Variants in SLC12A9 observed in about 807,000 individuals in gnomAD.
SLC12A9 encodes CCC-interacting protein 1.
Under a neutral mutation model 66.0 loss-of-function variants are expected in SLC12A9, and 55 were observed. The observed-to-expected ratio is 0.83, with a 90% CI of 0.67 to 1.04. The LOEUF (loss-of-function observed/expected upper bound fraction) is 1.04, where lower values mean the gene tolerates loss of function less well. Ranked by LOEUF, SLC12A9 falls within the 50% of genes least tolerant of loss-of-function variation. The pLI is 0.00. For missense variants in SLC12A9, 1,061 were observed against 1,241.9 expected, an observed-to-expected ratio of 0.85 and a Z score of 2.19; for synonymous variants, 577 against 569.0, an observed-to-expected ratio of 1.01 and a Z score of -0.20.
Position 100,844,072 on chromosome 7 carries a change from C to T in SLC12A9, n.229-15813C>T, listed in dbSNP as rs58854649. On this transcript the variant is annotated intron_variant and non_coding_transcript_variant, in intron 1 of 1. Coordinates refer to the SLC12A9 transcript ENST00000461016. ...ATGGCCGAAGCATGAGAAAACTCAT[C>T]GCAGGACTCATTTGCCTTAAAATTT... 2.5e-3 allele frequency among the ~76,000 whole-genome samples: 384 copies of T among 152,256 alleles called. 1 individual carries two copies. The highest frequency in any genetic ancestry group is 8.5e-3 in the African/African-American group (354 of 41,562).
chr7:100,865,368 T>G, intron 13 of SLC12A9: 2 of 1,536,048 alleles, frequency 1.3e-6, no homozygotes, highest in Non-Finnish European at 1.7e-6. Context: ...AGAGTCAAAC[T>G]CGCATCCCCT....
chr7:100,859,191 C>G (rs369967324), intron 7 of SLC12A9, 30 bp downstream of exon 7: 2 of 1,597,906 alleles, frequency 1.3e-6, no homozygotes, highest in Middle Eastern at 1.7e-4. Context: ...GGTGGAGTGT[C>G]GAACAAGATT....
At chr7:100,842,095 A>T (rs1044692876) in intron 1 of SLC12A9, among the ~76,000 whole-genome samples, 1 of 149,880 alleles carries the variant, frequency 6.7e-6, no homozygotes, top group Non-Finnish European at 1.5e-5. Flanking sequence ...GCTGCTAACC[A>T]CCAAGACTGC....
chr7:100,866,467 C>T lies in SLC12A9; in HGVS notation c.2607C>T (p.Thr869=). 1 of 1,551,372 alleles carries T rather than the reference C, an allele frequency of 6.4e-7. No individual in the cohort carries two copies. The highest frequency in any genetic ancestry group is 8.7e-7 in the Non-Finnish European group (1 of 1,148,048). The change falls in exon 14 of 14, where the codon ACC becomes ACT. Residue 869 remains threonine (T), a synonymous_variant. Transcript: ENST00000354161. This position sits in a 1 kb window ranked among gnomAD's most constrained non-coding sequence, Gnocchi z 7.3. ...CTGAGGGCCCCATCACAGCCCTCAC[C>T]TTCCTGTACTTGCCTCGGCCGCCAG... The part of the protein sequence containing the change: ...GDAEGPITAL[T]FLYLPRPPAD...
chr7:100,855,329 C>T, intron 3 of SLC12A9: 1 of 274,882 alleles, frequency 3.6e-6, no homozygotes, highest in Non-Finnish European at 7.1e-6. Flanking sequence ...GCTATGTTTC[C>T]CAGGCTGGTC....
intron 13 of SLC12A9, 65 bp from the exon 14 acceptor site, chr7:100,865,654 G>C (rs751205587): frequency 1.1e-4 from 174 of 1,560,260 alleles, no homozygotes; most frequent in Non-Finnish European, 1.5e-4. Context: ...GTGTGGGAGC[G>C]TGGTGTAAAC....
Position 100,865,203 on chromosome 7 carries a change from G to A in SLC12A9, c.1859-516G>A, listed in dbSNP as rs546542624. On this transcript the variant is annotated intron_variant, in intron 13 of 13. Coordinates refer to ENST00000354161, the MANE Select transcript of SLC12A9 (RefSeq NM_020246.4). ...AAACTCCTGATCTCAGGTGATCAAC[G>A]TGCCTCAGCTTCCCAAGATGCTGCG... 179 of 1,484,084 alleles carry A rather than the reference G, an allele frequency of 1.2e-4. 1 individual carries two copies. Among genetic ancestry groups the A allele is most frequent in the Non-Finnish European group, 1.3e-4 (143 of 1,100,322 alleles). 91.9% of individuals were successfully genotyped at this position (1,484,084 alleles called of 1,614,324 possible).
At chr7:100,839,949 CAAA>C (rs76035431) in intron 1 of SLC12A9, among the ~76,000 whole-genome samples, 7 of 84,692 alleles carry the variant, frequency 8.3e-5, no homozygotes, top group Admixed American at 2.6e-4. Flanking sequence ...GACTCCGTCT[CAAA>C]AAAAAAAAAA....
chr7:100,851,474 A>G (rs1320814776), upstream of SLC12A9, among the ~76,000 whole-genome samples: 1 of 145,562 alleles, frequency 6.9e-6, no homozygotes, highest in Non-Finnish European at 1.5e-5. Flanking sequence ...CCCTGGCTGG[A>G]GTGCAGTGGT....
chr7:100,827,083 C>G (rs1813426811), intron 1 of SLC12A9: 1 of 1,544,244 alleles, frequency 6.5e-7, no homozygotes, highest in Non-Finnish European at 8.8e-7. Flanking sequence ...GCCCTCGCCC[C>G]CCCAGGTCTG....
intron 1 of SLC12A9, among the ~76,000 whole-genome samples, chr7:100,833,932 C>CAAAAAAA (rs60667059): frequency 1.4e-3 from 89 of 62,908 alleles, no homozygotes; most frequent in Middle Eastern, 6.6e-3. Context: ...GACTCTGTCT[C>CAAAAAAA]AAAAAAAAAA....
At chr7:100,854,403 G>A in intron 2 of SLC12A9, 25 bp downstream of exon 2, 4 of 1,609,214 alleles carry the variant, frequency 2.5e-6, no homozygotes, top group Non-Finnish European at 3.4e-6. Flanking sequence ...GGGCGGGTGT[G>A]GACTGACTAT....
chr7:100,858,686 A>G, intron 5 of SLC12A9, 149 bp from the exon 6 acceptor site: 2 of 682,438 alleles, frequency 2.9e-6, no homozygotes, highest in Non-Finnish European at 5.1e-6. Context: ...TGGCTGACCC[A>G]GGGCCAGTGC....
At chr7:100,826,954 CG>C in exon 1 of SLC12A9, 2 of 1,503,490 alleles carry the variant, frequency 1.3e-6, no homozygotes, top group South Asian at 1.2e-5. Context: ...TGACGGGGTG[CG>C]CCCCCCCCCG....
intron 1 of SLC12A9, among the ~76,000 whole-genome samples, chr7:100,832,903 G>A (rs985334231): frequency 6.6e-6 from 1 of 151,800 alleles, no homozygotes; most frequent in Non-Finnish European, 1.5e-5. Context: ...AGCCTCCCAA[G>A]TAGCTGAGAC....
At chr7:100,827,785 C>T (rs113496216) in intron 1 of SLC12A9, among the ~76,000 whole-genome samples, 5 of 152,150 alleles carry the variant, frequency 3.3e-5, no homozygotes, top group African/African-American at 1.2e-4. Flanking sequence ...TGTCCAGGAC[C>T]GAGCATGTCG....
In SLC12A9 at chr7:100,862,700, T is replaced by C. The variant is rs1310896226; in HGVS notation, c.1731T>C (p.Pro577=). The C allele has an allele frequency of 6.2e-7, 1 of 1,614,230 alleles. No homozygotes were observed. The highest frequency in any genetic ancestry group is 1.1e-5 in the South Asian group (1 of 91,088). ...LGDLDSLPSD[P]VQPQYGAWLS... The stretch of plus-strand genomic sequence containing the variant: ...CTGTAGACTCCCTGCCCTCGGACCC[T>C]GTACAGCCGCAGTATGGGGCATGGC... Residue 577 remains proline, a synonymous_variant, in exon 13 of 14, where the codon CCT becomes CCC. Transcript: ENST00000354161.
chr7:100,839,186 A>G (rs567310002), intron 1 of SLC12A9, among the ~76,000 whole-genome samples: 2 of 152,162 alleles, frequency 1.3e-5, no homozygotes, highest in South Asian at 4.2e-4. Context: ...TTAGCTGGGC[A>G]TGGTGGCGGG....
intron 2 of SLC12A9, 36 bp from the exon 3 acceptor site, chr7:100,854,584 A>AGTCCCC: frequency 6.2e-7 from 1 of 1,612,824 alleles, no homozygotes; most frequent in South Asian, 1.1e-5. Context: ...ATGGGGTGTG[A>AGTCCCC]GTCCCCTGTG....
Sources: allele counts gnomAD v4.1 joint callset (sites outside exome capture counted in the v4.1 genomes callset), GRCh38; gene constraint gnomAD v4.1.1; non-coding constraint Gnocchi (gnomAD v3.1); transcripts MANE v1.5; gene names NCBI Gene and HGNC (gene_info 2026-07-23, HGNC 2026-07-21).